The following OSBPL1A variants were observed in gnomAD, a reference collection of about 807,000 sequenced individuals.
OSBPL1A encodes oxysterol-binding protein-related protein 1.
In OSBPL1A, 80 loss-of-function variants were observed where a neutral mutation model predicts 137.1. The ratio of observed to expected loss-of-function variants is 0.58; its 90% CI spans 0.49 to 0.70. The LOEUF (loss-of-function observed/expected upper bound fraction) is 0.70, where lower values mean the gene tolerates loss of function less well. Among genes scored for constraint, OSBPL1A ranks in the 30% least tolerant of loss-of-function variants. The probability of loss-of-function intolerance (pLI) is 0.00; values close to 1 mark genes in which losing one functional copy is unlikely to be tolerated. For missense variants in OSBPL1A, 970 were observed against 1,129.4 expected (o/e 0.86, Z 2.02); for synonymous variants, 365 against 389.7 (o/e 0.94, Z 0.75).
Position 24,317,319 on chromosome 18 carries a change from ATACT to A in OSBPL1A, c.806+4_806+7del. ...AAATTTGATAAGTGTAAAGATCATA[ATACT>A]TACTGTTTCCTATACCATGAAAGGA... is the stretch of plus-strand genomic sequence containing the variant. On this transcript the variant is annotated splice_donor_5th_base_variant and intron_variant, in intron 10 of 27. Transcript: ENST00000319481. The A allele has an allele frequency of 6.2e-7, 1 of 1,612,526 alleles. No homozygotes were observed. The highest frequency in any genetic ancestry group is 8.5e-7 in the Non-Finnish European group (1 of 1,178,570).
At chr18:24,275,538 G>A (rs1287077115) in intron 15 of OSBPL1A, among the ~76,000 whole-genome samples, 1 of 152,132 alleles carries the variant, frequency 6.6e-6, no homozygotes, top group Non-Finnish European at 1.5e-5. Flanking sequence ...AGGACTGCCC[G>A]ACAGCAAAGG....
intron 4 of OSBPL1A, among the ~76,000 whole-genome samples, chr18:24,353,763 TCG>T (rs2091485600): frequency 1.3e-5 from 2 of 151,996 alleles, no homozygotes; most frequent in African/African-American, 2.4e-5. Flanking sequence ...TTCATGTCCT[TCG>T]TAGGGACATG....
chr18:24,189,811 G>A (rs2086840957), intron 18 of OSBPL1A, among the ~76,000 whole-genome samples: 1 of 152,330 alleles, frequency 6.6e-6, no homozygotes, highest in African/African-American at 2.4e-5. Context: ...GTTTGAAAAA[G>A]AGCCTGCTGC....
intron 15 of OSBPL1A, among the ~76,000 whole-genome samples, chr18:24,276,351 A>G (rs979873161): frequency 6.6e-5 from 10 of 152,326 alleles, no homozygotes; most frequent in African/African-American, 2.4e-4. Flanking sequence ...CCCTAAAAAC[A>G]GCATCTAGGT....
At chr18:24,210,695 C>T (rs2087513063) in intron 17 of OSBPL1A, among the ~76,000 whole-genome samples, 1 of 151,904 alleles carries the variant, frequency 6.6e-6, no homozygotes, top group Non-Finnish European at 1.5e-5. Context: ...CCACCATACT[C>T]ACCTATTTTT....
chr18:24,228,380 A>G (rs2088159878), intron 16 of OSBPL1A, among the ~76,000 whole-genome samples: 1 of 150,580 alleles, frequency 6.6e-6, no homozygotes, highest in Admixed American at 6.7e-5. Flanking sequence ...CCCTTCCCCT[A>G]AAGGGCTCTA....
intron 4 of OSBPL1A, among the ~76,000 whole-genome samples, chr18:24,355,094 C>A (rs147670985): frequency 3.3e-5 from 5 of 152,302 alleles, no homozygotes; most frequent in African/African-American, 1.2e-4. Context: ...GGAGCTTCTC[C>A]GTGAGGCTGT....
intron 4 of OSBPL1A, chr18:24,347,893 A>ACAAAGAGAGGTT (rs1210521024): frequency 6.6e-6 from 1 of 151,778 alleles, no homozygotes; most frequent in East Asian, 1.9e-4. Context: ...CCTAGAGACT[A>ACAAAGAGAGGTT]CAAAGAGAGG....
chr18:24,173,402 A>G (rs999876690), intron 21 of OSBPL1A, among the ~76,000 whole-genome samples: 1 of 152,184 alleles, frequency 6.6e-6, no homozygotes, highest in Non-Finnish European at 1.5e-5. Flanking sequence ...AGTTAAAAAA[A>G]AAGTTTTATT....
intron 15 of OSBPL1A, among the ~76,000 whole-genome samples, chr18:24,258,791 A>T (rs1360220526): frequency 1.3e-5 from 2 of 152,136 alleles, no homozygotes; most frequent in African/African-American, 4.8e-5. Flanking sequence ...ATAGTGGTAG[A>T]TATTAAATAT....
At chr18:24,396,545 G>A (rs1907755678) in intron 1 of OSBPL1A, among the ~76,000 whole-genome samples, 1 of 152,168 alleles carries the variant, frequency 6.6e-6, no homozygotes, top group South Asian at 2.1e-4. Flanking sequence ...TTTAAGAAAG[G>A]AATGTTACTG....
chr18:24,249,881 C>A (rs1164472885), intron 15 of OSBPL1A, among the ~76,000 whole-genome samples: 2 of 152,168 alleles, frequency 1.3e-5, no homozygotes, highest in Non-Finnish European at 2.9e-5. Context: ...GCTGGGCTGA[C>A]AGCCAGAGGA....
At chr18:24,194,002 A>AT (rs1347142990) in intron 18 of OSBPL1A, among the ~76,000 whole-genome samples, 1 of 152,250 alleles carries the variant, frequency 6.6e-6, no homozygotes, top group Non-Finnish European at 1.5e-5. Context: ...TTTTAAAAGA[A>AT]TGGTTAGTCT....
intron 14 of OSBPL1A, among the ~76,000 whole-genome samples, chr18:24,291,063 G>A (rs1254668968): frequency 1.3e-5 from 2 of 151,842 alleles, no homozygotes; most frequent in Non-Finnish European, 2.9e-5. Context: ...CAAGAAGCAG[G>A]AAAAACAAAA....
intron 15 of OSBPL1A, among the ~76,000 whole-genome samples, chr18:24,239,887 C>G (rs1373821198): frequency 6.6e-6 from 1 of 150,670 alleles, no homozygotes; most frequent in East Asian, 1.9e-4. Context: ...AACAGGTTGC[C>G]TGGTAATGAC....
rs554889606 is a variant in OSBPL1A at position 24,229,164 on chromosome 18, T to C, written c.1445-3966A>G. On this transcript the variant is annotated intron_variant, in intron 16 of 27. Coordinates refer to ENST00000319481, the MANE Select transcript of OSBPL1A (RefSeq NM_080597.4). ...TTGCAGTGAGCTAAGATTGAACCAC[T>C]GTACTCCAGCCTGGGAGAGACAGCG... Among the ~76,000 whole-genome samples, 15 of 152,242 alleles carry C rather than the reference T, an allele frequency of 9.9e-5. No homozygotes were observed. In the South Asian group the frequency reaches 2.7e-3, roughly 27 times the overall value.
intron 18 of OSBPL1A, among the ~76,000 whole-genome samples, chr18:24,189,411 C>T (rs368961199): frequency 5.0e-4 from 76 of 152,274 alleles, no homozygotes; most frequent in African/African-American, 1.8e-3. Flanking sequence ...GGGTGCTCCC[C>T]CGCGTGTGTG....
At position 24,280,853 on chromosome 18, in the gene OSBPL1A, T is replaced by G; in HGVS notation, c.1270A>C (p.Lys424Gln). The part of the protein sequence containing the change: ...ALTDCLNLFT[K>Q]QEGVRNFKLE... The stretch of plus-strand genomic sequence containing the variant: ...TCTGAACTACCTACCCCTTCTTGTT[T>G]GGTGAAGAGATTAAGGCAATCAGTC... Residue 424 changes from lysine to glutamine, a missense_variant, in exon 15 of 28, where the codon AAA becomes CAA. This residue lies in a region of OSBPL1A where 647 missense variants were observed against 672.6 expected (regional missense o/e 0.96). Transcript: ENST00000319481. The G allele has an allele frequency of 1.3e-6, 2 of 1,587,962 alleles. No individual in the cohort carries two copies. Among genetic ancestry groups the G allele is most frequent in the Non-Finnish European group, 1.7e-6 (2 of 1,170,788 alleles).
At chr18:24,320,118 AAAT>A (rs1386717627) in intron 7 of OSBPL1A, among the ~76,000 whole-genome samples, 9 of 152,096 alleles carry the variant, frequency 5.9e-5, no homozygotes, top group South Asian at 2.1e-4. Context: ...GGGTGGTTTA[AAAT>A]AATAATATTT....
Sources: allele counts gnomAD v4.1 joint callset (sites outside exome capture counted in the v4.1 genomes callset), GRCh38; gene constraint gnomAD v4.1.1; regional missense constraint gnomAD v4.1.1; transcripts MANE v1.5; gene names NCBI Gene and HGNC (gene_info 2026-07-23, HGNC 2026-07-21).